OR7E24: variants seen among roughly 807,000 people sequenced by gnomAD.
OR7E24 encodes the protein olfactory receptor 7E24.
For missense variants in OR7E24, 385 were observed against 410.3 expected (o/e 0.94, Z 0.53); for synonymous variants, 130 against 157.5 (o/e 0.83, Z 1.31).
At chr19:9,230,789 G>A in the OR7E24 span, among the ~76,000 whole-genome samples, 990 of 152,114 alleles carry the variant, frequency 6.5e-3, 11 homozygotes, top group African/African-American at 0.023. Context: ...TTGAAACTCG[G>A]GCCAATTTCC....
the OR7E24 span, among the ~76,000 whole-genome samples, chr19:9,234,800 C>T: frequency 6.6e-6 from 1 of 152,168 alleles, no homozygotes; most frequent in Admixed American, 6.5e-5. Flanking sequence ...AAATGCGTAT[C>T]TTAATCATGA....
the OR7E24 span, among the ~76,000 whole-genome samples, chr19:9,220,141 G>A: frequency 6.6e-6 from 1 of 152,014 alleles, no homozygotes; most frequent in African/African-American, 2.4e-5. Context: ...GACATTCAAT[G>A]TATCTAATTA....
chr19:9,235,093 G>C, the OR7E24 span: 5 of 671,292 alleles, frequency 7.4e-6, no homozygotes, highest in Non-Finnish European at 1.3e-5. Context: ...TGATATTGAA[G>C]AGTGATTGAA....
the OR7E24 span, among the ~76,000 whole-genome samples, chr19:9,229,394 GC>G: frequency 6.6e-6 from 1 of 151,976 alleles, no homozygotes; most frequent in African/African-American, 2.4e-5. Context: ...AATTAGCCGG[GC>G]GTGGTGGCAG....
chr19:9,232,277 C>G, the OR7E24 span, among the ~76,000 whole-genome samples: 1 of 151,984 alleles, frequency 6.6e-6, no homozygotes, highest in African/African-American at 2.4e-5. Flanking sequence ...CGGTGGCTCA[C>G]GCCTGTAATC....
At chr19:9,208,632 T>A in the OR7E24 span, 1 of 151,784 alleles carries the variant, frequency 6.6e-6, no homozygotes, top group African/African-American at 2.4e-5. Context: ...ACATGAACTC[T>A]CCTTTATTTC....
At chr19:9,209,996 G>A in the OR7E24 span, 2 of 152,184 alleles carry the variant, frequency 1.3e-5, no homozygotes, top group African/African-American at 4.8e-5. Flanking sequence ...CTGTAGAGAT[G>A]TGATAACAAC....
chr19:9,234,826 C>A, the OR7E24 span, among the ~76,000 whole-genome samples: 1 of 152,106 alleles, frequency 6.6e-6, no homozygotes, highest in Non-Finnish European at 1.5e-5. Flanking sequence ...CACCTATTAG[C>A]ATGAAGGAAC....
the OR7E24 span, among the ~76,000 whole-genome samples, chr19:9,232,515 G>T: frequency 7.1e-6 from 1 of 140,756 alleles, no homozygotes; most frequent in African/African-American, 2.7e-5. Flanking sequence ...TGCAGCCTGG[G>T]CAGCAAGAGC....
upstream of OR7E24, among the ~76,000 whole-genome samples, chr19:9,243,583 G>T (rs1423583554): frequency 6.6e-6 from 1 of 152,112 alleles, no homozygotes; most frequent in Non-Finnish European, 1.5e-5. Flanking sequence ...CACTGGGATT[G>T]TAGGTGTGAA....
chr19:9,221,340 C>CCTTTTT, the OR7E24 span, among the ~76,000 whole-genome samples: 1 of 81,180 alleles, frequency 1.2e-5, no homozygotes, highest in Non-Finnish European at 2.1e-5. Flanking sequence ...GTCTTTTGCC[C>CCTTTTT]TTTTTTTTTT....
At chr19:9,210,103 TC>T in the OR7E24 span, 1 of 152,222 alleles carries the variant, frequency 6.6e-6, no homozygotes, top group African/African-American at 2.4e-5. Flanking sequence ...CCCAGCATCT[TC>T]CGATCCAATC....
At chr19:9,214,489 C>T in the OR7E24 span, 8 of 1,614,038 alleles carry the variant, frequency 5.0e-6, no homozygotes, top group East Asian at 2.2e-5. Context: ...TAGGCCATCA[C>T]GGCCAGTAGG....
upstream of OR7E24, among the ~76,000 whole-genome samples, chr19:9,246,977 T>C (rs2066132288): frequency 6.6e-6 from 1 of 152,224 alleles, no homozygotes; most frequent in African/African-American, 2.4e-5. Flanking sequence ...CTGAGCTATA[T>C]ACTTTAAAAT....
chr19:9,241,580 TGTG>T, the OR7E24 span, among the ~76,000 whole-genome samples: 1 of 152,016 alleles, frequency 6.6e-6, no homozygotes, highest in Admixed American at 6.6e-5. Context: ...GCCTGGCCAA[TGTG>T]GTGAAACCCC....
the OR7E24 span, chr19:9,208,532 A>T: frequency 6.6e-6 from 1 of 152,092 alleles, no homozygotes; most frequent in Non-Finnish European, 1.5e-5. Flanking sequence ...ATGTCTAGGG[A>T]TTGTTAAATC....
At chr19:9,247,787 C>T (rs868221101), upstream of OR7E24, among the ~76,000 whole-genome samples, 27 of 152,230 alleles carry the variant, frequency 1.8e-4, no homozygotes, top group African/African-American at 6.5e-4. Flanking sequence ...TTGTTTTGTT[C>T]ATTTGCTCTT....
the OR7E24 span, among the ~76,000 whole-genome samples, chr19:9,222,798 TCTAAC>T: frequency 6.6e-5 from 10 of 152,154 alleles, no homozygotes; most frequent in African/African-American, 2.4e-4. Flanking sequence ...ATTTTTTTTC[TCTAAC>T]CTAATTGATT....
upstream of OR7E24, among the ~76,000 whole-genome samples, chr19:9,250,211 C>T (rs1202745043): frequency 2.0e-5 from 3 of 152,120 alleles, no homozygotes; most frequent in Non-Finnish European, 4.4e-5. Flanking sequence ...TCTCCTGACT[C>T]AGCCTCCTGA....
Sources: allele counts gnomAD v4.1 joint callset (sites outside exome capture counted in the v4.1 genomes callset), GRCh38; gene constraint gnomAD v4.1.1; transcripts MANE v1.5; gene names NCBI Gene and HGNC (gene_info 2026-07-23, HGNC 2026-07-21).